The following LRMDA variants were observed in gnomAD, a reference collection of about 807,000 sequenced individuals.
LRMDA encodes the protein leucine-rich melanocyte differentiation-associated protein.
Under a neutral mutation model 29.8 loss-of-function variants are expected in LRMDA, and 18 were observed. The ratio of observed to expected loss-of-function variants is 0.60; its 90% CI spans 0.42 to 0.90. LRMDA has a LOEUF of 0.90. LRMDA is among the 40% of genes least tolerant of loss of function. The probability of loss-of-function intolerance (pLI) is 0.00; values close to 1 mark genes in which losing one functional copy is unlikely to be tolerated. For missense variants in LRMDA, 273 were observed against 273.9 expected, an observed-to-expected ratio of 1.00 and a Z score of 0.02; for synonymous variants, 125 against 109.4, an observed-to-expected ratio of 1.14 and a Z score of -0.89.
chr10:75,667,028 A>G (rs181484053), intron 2 of LRMDA, among the ~76,000 whole-genome samples: 7 of 152,222 alleles, frequency 4.6e-5, no homozygotes, highest in Admixed American at 1.3e-4. Context: ...GGGTGTGGAT[A>G]TTTGTAATGC....
At chr10:75,609,673 G>T (rs1380934581) in intron 2 of LRMDA, among the ~76,000 whole-genome samples, 1 of 152,212 alleles carries the variant, frequency 6.6e-6, no homozygotes, top group African/African-American at 2.4e-5. Flanking sequence ...GCCCTAGCCT[G>T]GGCGAGCTGA....
chr10:75,436,946 T>C (rs1431668826), intron 1 of LRMDA, among the ~76,000 whole-genome samples: 2 of 152,216 alleles, frequency 1.3e-5, no homozygotes, highest in East Asian at 3.8e-4. Context: ...AGAGGAGAGA[T>C]TGCTAGATTG....
chr10:75,518,063 G>C (rs547884988), intron 2 of LRMDA, among the ~76,000 whole-genome samples: 5 of 152,286 alleles, frequency 3.3e-5, no homozygotes, highest in African/African-American at 1.2e-4. Flanking sequence ...CTTGATTGTG[G>C]TGGATAAGCT....
intron 2 of LRMDA, among the ~76,000 whole-genome samples, chr10:75,504,312 G>A (rs1222149103): frequency 6.6e-6 from 1 of 152,120 alleles, no homozygotes; most frequent in East Asian, 1.9e-4. Context: ...GTGCCTCTAT[G>A]TGCCATGCAT....
intron 5 of LRMDA, among the ~76,000 whole-genome samples, chr10:76,132,648 G>T (rs557274272): frequency 6.4e-4 from 98 of 152,308 alleles, no homozygotes; most frequent in Middle Eastern, 3.4e-3. Flanking sequence ...TTTTGTGGGA[G>T]CGTGTATGTT....
chr10:76,158,609 T>G (rs1189377274), intron 5 of LRMDA, among the ~76,000 whole-genome samples: 1 of 152,130 alleles, frequency 6.6e-6, no homozygotes, highest in African/African-American at 2.4e-5. Flanking sequence ...ACTAACAATA[T>G]TACTAAAGAT....
intron 5 of LRMDA, among the ~76,000 whole-genome samples, chr10:76,206,105 A>G (rs1276617689): frequency 1.3e-5 from 2 of 152,104 alleles, no homozygotes; most frequent in African/African-American, 4.8e-5. Flanking sequence ...TGGTTTCTTG[A>G]TTTTGTCGAT....
chr10:75,537,127 C>A (rs558754725), intron 2 of LRMDA, among the ~76,000 whole-genome samples: 1 of 152,272 alleles, frequency 6.6e-6, no homozygotes, highest in South Asian at 2.1e-4. Flanking sequence ...TCTTCTGTCA[C>A]ACTATATGCT....
At chr10:75,878,144 G>A (rs919172245) in intron 2 of LRMDA, among the ~76,000 whole-genome samples, 2 of 152,152 alleles carry the variant, frequency 1.3e-5, no homozygotes, top group Non-Finnish European at 2.9e-5. Flanking sequence ...GTCTGCAGGT[G>A]GCTTGTGTTA....
chr10:76,405,765 A>G (rs2132502137), intron 6 of LRMDA, among the ~76,000 whole-genome samples: 1 of 152,236 alleles, frequency 6.6e-6, no homozygotes, highest in East Asian at 1.9e-4. Context: ...ATTCTGGAGG[A>G]TTAAAACATT....
In LRMDA at chr10:76,476,790, A is replaced by C. The variant is rs537380411; in HGVS notation, c.602-80419A>C. Among the ~76,000 whole-genome samples, 50 of 152,270 alleles carry C rather than the reference A, an allele frequency of 3.3e-4. 1 individual carries two copies. In the South Asian group the frequency reaches 4.1e-3, roughly 13 times the overall value. On this transcript the variant is annotated intron_variant, in intron 6 of 6. Coordinates refer to ENST00000611255, the MANE Select transcript of LRMDA (RefSeq NM_001305581.2). ...TAATCCAGCATATAAACAGAACCAA[A>C]GACAAACACCACATGATTATCTCAA...
At chr10:75,475,395 G>T (rs918143409) in intron 2 of LRMDA, among the ~76,000 whole-genome samples, 1 of 113,342 alleles carries the variant, frequency 8.8e-6, no homozygotes, top group Non-Finnish European at 1.7e-5. Context: ...GGAGTCAGGG[G>T]CTGTTTTGGG....
chr10:75,548,852 A>G (rs1429182690), intron 2 of LRMDA, among the ~76,000 whole-genome samples: 8 of 152,154 alleles, frequency 5.3e-5, no homozygotes, highest in Admixed American at 5.2e-4. Flanking sequence ...AGAAGGAGGT[A>G]ACTCCTCAAA....
At chr10:75,623,338 T>C (rs1308054094) in intron 2 of LRMDA, among the ~76,000 whole-genome samples, 2 of 152,084 alleles carry the variant, frequency 1.3e-5, no homozygotes, top group Non-Finnish European at 2.9e-5. Context: ...GCTTGTAAAA[T>C]AAAGAAGAAT....
At chr10:76,417,927 C>T (rs1044331151) in intron 6 of LRMDA, among the ~76,000 whole-genome samples, 1 of 152,146 alleles carries the variant, frequency 6.6e-6, no homozygotes, top group African/African-American at 2.4e-5. Context: ...TGACATTCCT[C>T]ACTGCTTTTT....
intron 2 of LRMDA, among the ~76,000 whole-genome samples, chr10:75,548,462 T>A (rs1009493538): frequency 8.5e-5 from 13 of 152,088 alleles, no homozygotes; most frequent in Non-Finnish European, 1.9e-4. Context: ...ACTCTGGGAG[T>A]GTAGGACCCA....
chr10:76,404,796 A>G (rs911961465), intron 6 of LRMDA, among the ~76,000 whole-genome samples: 1 of 152,176 alleles, frequency 6.6e-6, no homozygotes, highest in African/African-American at 2.4e-5. Flanking sequence ...GGAACTTGAG[A>G]TGGAGAGATT....
chr10:75,929,009 G>C (rs1846165530), intron 2 of LRMDA, among the ~76,000 whole-genome samples: 1 of 152,202 alleles, frequency 6.6e-6, no homozygotes, highest in African/African-American at 2.4e-5. Flanking sequence ...CACCAGATTT[G>C]ATTATTTCTA....
chr10:75,699,450 T>G (rs927426002), intron 2 of LRMDA, among the ~76,000 whole-genome samples: 13 of 152,340 alleles, frequency 8.5e-5, no homozygotes, highest in African/African-American at 3.1e-4. Context: ...TACTTTAAAT[T>G]TGGAAAATGA....
Sources: gnomAD v4.1 joint callset for allele counts (sites outside exome capture counted in the v4.1 genomes callset) on GRCh38, gnomAD v4.1.1 for gene constraint, MANE v1.5 for transcripts, NCBI Gene and HGNC (gene_info 2026-07-23, HGNC 2026-07-21) for gene names.